The following SYN3 variants were observed in gnomAD, a reference collection of about 807,000 sequenced individuals.
The protein encoded by SYN3 is synapsin-3.
Under a neutral mutation model 65.8 loss-of-function variants are expected in SYN3, and 35 were observed. The observed-to-expected ratio is 0.53, with a 90% CI of 0.41 to 0.70. The LOEUF is 0.70. Among genes scored for constraint, SYN3 ranks in the 30% least tolerant of loss-of-function variants. SYN3 has a pLI of 0.00. For missense variants in SYN3, 680 were observed against 749.0 expected, an observed-to-expected ratio of 0.91 and a Z score of 1.08; for synonymous variants, 270 against 292.9, an observed-to-expected ratio of 0.92 and a Z score of 0.80.
In SYN3 at chr22:32,810,976, TG is replaced by T. The variant is rs930020630; in HGVS notation, c.711+53938del. 2.6e-5 allele frequency among the ~76,000 whole-genome samples: 4 copies of T among 152,130 alleles called. No individual in the cohort carries two copies. The East Asian group carries it at 5.8e-4, about 22-fold the overall frequency. On this transcript the variant is annotated intron_variant, in intron 6 of 13. Transcript: ENST00000358763. ...TGCCTCAGTTTCCTCATCTCTAAAA[TG>T]GGGGGAAATATATTATGTACCACGT... is the stretch of plus-strand genomic sequence containing the variant.
chr22:32,577,144 C>T (rs892608435), intron 7 of SYN3, among the ~76,000 whole-genome samples: 1 of 152,164 alleles, frequency 6.6e-6, no homozygotes, highest in African/African-American at 2.4e-5. Flanking sequence ...TTACAAGCTT[C>T]CCGGGTGCTT....
chr22:33,018,750 C>T (rs998582428), intron 1 of SYN3, among the ~76,000 whole-genome samples: 1 of 152,112 alleles, frequency 6.6e-6, no homozygotes, highest in Non-Finnish European at 1.5e-5. Context: ...TCATTGACAC[C>T]CCAAACTTCT....
chr22:32,617,143 T>C (rs2059532087), intron 6 of SYN3, among the ~76,000 whole-genome samples: 1 of 152,198 alleles, frequency 6.6e-6, no homozygotes, highest in Admixed American at 6.5e-5. Flanking sequence ...TGGGTGTGTG[T>C]TAAAAACATT....
rs1456647744 is a variant in SYN3, at chr22:32,679,632, T to C, written c.712-82896A>G. Among the ~76,000 whole-genome samples, 12 of 152,228 alleles carry C rather than the reference T, an allele frequency of 7.9e-5. No individual in the cohort carries two copies. The East Asian group carries it at 2.3e-3, about 29-fold the overall frequency. Reference sequence around the variant, plus strand: ...GTATTTTAATTTTTCCATAGCTTCATCAACACTTTTGTTTTTAATAACAGC... The same window carrying C: ...GTATTTTAATTTTTCCATAGCTTCACCAACACTTTTGTTTTTAATAACAGC... On this transcript the variant is annotated intron_variant, in intron 6 of 13. Coordinates refer to ENST00000358763, the MANE Select transcript of SYN3 (RefSeq NM_003490.4).
chr22:32,870,285 A>G (rs1189699678), intron 4 of SYN3, among the ~76,000 whole-genome samples: 2 of 151,792 alleles, frequency 1.3e-5, no homozygotes, highest in African/African-American at 4.9e-5. Flanking sequence ...ATTTCAATGT[A>G]TATAATATGC....
At chr22:33,032,697 T>A (rs1352708757) in intron 1 of SYN3, among the ~76,000 whole-genome samples, 1 of 152,050 alleles carries the variant, frequency 6.6e-6, no homozygotes, top group Non-Finnish European at 1.5e-5. Flanking sequence ...CCAACCTGAC[T>A]CTGGTGTCTT....
intron 7 of SYN3, 67 bp downstream of exon 7, chr22:32,596,607 A>G: frequency 6.5e-7 from 1 of 1,539,320 alleles, no homozygotes; most frequent in Non-Finnish European, 8.9e-7. Context: ...ACAGAGGGAG[A>G]GAGGAACAGG....
chr22:32,788,243 A>T lies in SYN3; in HGVS notation c.711+76672T>A, dbSNP rs570199337. On this transcript the variant is annotated intron_variant, in intron 6 of 13. Coordinates refer to ENST00000358763, the MANE Select transcript of SYN3 (RefSeq NM_003490.4). ...TAAAAAATAACAATACGACTATATT[A>T]AAAAAAACATGAATTTGGCTGGGCG... is the stretch of plus-strand genomic sequence containing the variant. Among the ~76,000 whole-genome samples, 329 of 64,886 alleles carry T rather than the reference A, an allele frequency of 5.1e-3. 1 individual carries two copies. The highest frequency in any genetic ancestry group is 0.014 in the African/African-American group (310 of 22,132). 42.6% of individuals were successfully genotyped at this position (64,886 alleles called of 152,430 possible). A position where few individuals can be genotyped will look rare whatever the true frequency, so the allele number is the denominator to read the frequency against.
chr22:32,985,401 C>A (rs1430000691), intron 2 of SYN3, among the ~76,000 whole-genome samples: 3 of 152,194 alleles, frequency 2.0e-5, no homozygotes, highest in African/African-American at 4.8e-5. Context: ...TTTGATCTGT[C>A]TCACAGGTGC....
At chr22:32,696,976 T>C (rs182934999) in intron 6 of SYN3, among the ~76,000 whole-genome samples, 20 of 152,258 alleles carry the variant, frequency 1.3e-4, no homozygotes, top group Admixed American at 8.5e-4. Flanking sequence ...CCTTGCAGCT[T>C]GGGGAAAGAC....
At chr22:32,525,262 G>C (rs1485066932) in intron 12 of SYN3, among the ~76,000 whole-genome samples, 1 of 152,090 alleles carries the variant, frequency 6.6e-6, no homozygotes, top group African/African-American at 2.4e-5. Context: ...AAGATGTCGT[G>C]GAAATAGCAA....
At chr22:32,936,931 G>A (rs1455862538) in intron 3 of SYN3, among the ~76,000 whole-genome samples, 1 of 151,974 alleles carries the variant, frequency 6.6e-6, no homozygotes, top group Admixed American at 6.5e-5. Flanking sequence ...TCTGTCCCAA[G>A]AAAAGCTTAA....
intron 6 of SYN3, among the ~76,000 whole-genome samples, chr22:32,693,602 T>G (rs1433376030): frequency 7.1e-6 from 1 of 141,632 alleles, no homozygotes; most frequent in Non-Finnish European, 1.5e-5. Context: ...GTTTTTTTTT[T>G]TTTTTTTTTT....
intron 4 of SYN3, among the ~76,000 whole-genome samples, chr22:32,906,449 C>A (rs534087724): frequency 6.6e-6 from 1 of 152,148 alleles, no homozygotes; most frequent in Non-Finnish European, 1.5e-5. Flanking sequence ...TGCCATTTTG[C>A]CCATCAGTGA....
intron 1 of SYN3, among the ~76,000 whole-genome samples, chr22:33,046,252 A>G (rs2054062522): frequency 6.6e-6 from 1 of 152,224 alleles, no homozygotes; most frequent in African/African-American, 2.4e-5. Context: ...ATGCAAAATG[A>G]CATGGCCACT....
intron 1 of SYN3, among the ~76,000 whole-genome samples, chr22:33,039,786 TTATC>T (rs1408618275): frequency 1.3e-5 from 2 of 152,172 alleles, no homozygotes; most frequent in East Asian, 3.9e-4. Context: ...GTCATACCCA[TTATC>T]TAACATATTA....
Position 32,518,076 on chromosome 22 carries a change from G to A in SYN3, c.1577C>T (p.Ser526Phe), listed in dbSNP as rs1202010082. Residue 526 changes from serine to phenylalanine, a missense_variant, in exon 13 of 14, where the codon TCC becomes TTC. By Grantham distance (155) the Ser-to-Phe change is radical (BLOSUM62 -2). Coordinates refer to ENST00000358763, the MANE Select transcript of SYN3 (RefSeq NM_003490.4). Reference protein sequence around the residue: ...GRSTSQQGEESKKPAPPHPHL... With the variant: ...GRSTSQQGEEFKKPAPPHPHL... Reference sequence around the variant, plus strand: ...CGGATGGGGTGGTGCTGGCTTCTTGGACTCTTCACCCTGCTGGGAGGTACT... The same window carrying A: ...CGGATGGGGTGGTGCTGGCTTCTTGAACTCTTCACCCTGCTGGGAGGTACT... The A allele has an allele frequency of 6.5e-7, 1 of 1,536,142 alleles. No individual in the cohort carries two copies. Among genetic ancestry groups the A allele is most frequent in the African/African-American group, 1.4e-5 (1 of 72,146 alleles).
At chr22:32,731,059 T>C (rs2061264140) in intron 6 of SYN3, among the ~76,000 whole-genome samples, 1 of 152,184 alleles carries the variant, frequency 6.6e-6, no homozygotes, top group Non-Finnish European at 1.5e-5. Context: ...TGATTGCTTG[T>C]CACCTGGCTG....
intron 4 of SYN3, among the ~76,000 whole-genome samples, chr22:32,893,007 C>G (rs2049494944): frequency 6.6e-6 from 1 of 152,138 alleles, no homozygotes; most frequent in African/African-American, 2.4e-5. Flanking sequence ...TTCTGATAGT[C>G]TGGAATCTAT....
Sources: gnomAD v4.1 joint callset for allele counts (sites outside exome capture counted in the v4.1 genomes callset) on GRCh38, gnomAD v4.1.1 for gene constraint, MANE v1.5 for transcripts, NCBI Gene and HGNC (gene_info 2026-07-23, HGNC 2026-07-21) for gene names.